Variants in CNIH3 observed in about 807,000 individuals in gnomAD.
The protein encoded by CNIH3 is cornichon family AMPA receptor auxiliary protein 3.
CNIH3 carries 14 observed loss-of-function variants against 24.1 expected under a neutral mutation model. That is an observed-to-expected ratio of 0.58 (90% CI 0.38 to 0.91). The LOEUF is 0.91. Ranked by LOEUF, CNIH3 falls within the 40% of genes least tolerant of loss-of-function variation. CNIH3 has a pLI of 0.00. For synonymous variants in CNIH3, 68 were observed against 73.8 expected (o/e 0.92, Z 0.40); for missense variants, 178 against 196.8 (o/e 0.90, Z 0.57).
intron 1 of CNIH3, among the ~76,000 whole-genome samples, chr1:224,652,151 G>A (rs1241984322): frequency 6.6e-6 from 1 of 152,050 alleles, no homozygotes; most frequent in Non-Finnish European, 1.5e-5. Flanking sequence ...GGATTTCTGG[G>A]TTTTGAGGGA....
chr1:224,644,107 C>T (rs1485204147), intron 1 of CNIH3, among the ~76,000 whole-genome samples: 3 of 152,234 alleles, frequency 2.0e-5, no homozygotes, highest in Non-Finnish European at 4.4e-5. Flanking sequence ...AGCCCTTGCT[C>T]CAGCACCTCA....
intron 1 of CNIH3, among the ~76,000 whole-genome samples, chr1:224,650,767 C>G (rs1454672020): frequency 6.6e-6 from 1 of 152,132 alleles, no homozygotes; most frequent in Non-Finnish European, 1.5e-5. Context: ...AGGAAAGATT[C>G]ATCAGAACCC....
At chr1:224,665,898 G>A (rs1572686717) in intron 1 of CNIH3, among the ~76,000 whole-genome samples, 1 of 151,736 alleles carries the variant, frequency 6.6e-6, no homozygotes, top group African/African-American at 2.4e-5. Context: ...GGATGCTTCA[G>A]GTGAGGTGCA....
chr1:224,538,860 G>A (rs1336280090), downstream of CNIH3, among the ~76,000 whole-genome samples: 3 of 139,170 alleles, frequency 2.2e-5, no homozygotes, highest in African/African-American at 8.3e-5. Flanking sequence ...TTGTAGAGAT[G>A]GTGTTTCATG....
At chr1:224,467,312 G>C (rs1676187559) in intron 1 of CNIH3, among the ~76,000 whole-genome samples, 1 of 152,200 alleles carries the variant, frequency 6.6e-6, no homozygotes, top group South Asian at 2.1e-4. Context: ...TGTGAATACA[G>C]GCGTGAGCCA....
upstream of CNIH3, among the ~76,000 whole-genome samples, chr1:224,612,669 C>T (rs1682754839): frequency 6.6e-6 from 1 of 152,114 alleles, no homozygotes; most frequent in South Asian, 2.1e-4. The surrounding 1 kb of genome is among the most constrained non-coding windows in gnomAD (Gnocchi z 4.7). Context: ...GAAAATCCTC[C>T]CTGGAGAAAG....
intron 3 of CNIH3, among the ~76,000 whole-genome samples, chr1:224,698,131 CACAG>C (rs1687274876): frequency 6.6e-6 from 1 of 152,194 alleles, no homozygotes; most frequent in Non-Finnish European, 1.5e-5. Flanking sequence ...GTCTGTGTGG[CACAG>C]ACAATTACAC....
intron 3 of CNIH3, among the ~76,000 whole-genome samples, chr1:224,598,131 T>A (rs555429222): frequency 3.4e-4 from 51 of 152,212 alleles, no homozygotes; most frequent in Non-Finnish European, 5.9e-4. Context: ...GTAATTCATG[T>A]GAGGAGGCCG....
rs549403649 is a variant in CNIH3, at chr1:224,583,799, A to T, written n.620+532A>T. ...ATCCATGAAATAGAAGGTGATTGTA[A>T]TGGCCTACTTTTAATGTAATGGAAC... On this transcript the variant is annotated intron_variant and non_coding_transcript_variant, in intron 5 of 5. Coordinates refer to the CNIH3 transcript ENST00000471578. Among the ~76,000 whole-genome samples, 10 of 152,322 alleles carry T rather than the reference A, an allele frequency of 6.6e-5. No homozygotes were observed. The South Asian group carries it at 2.1e-3, about 32-fold the overall frequency.
chr1:224,559,651 G>T (rs763170026), intron 3 of CNIH3, among the ~76,000 whole-genome samples: 11 of 152,076 alleles, frequency 7.2e-5, no homozygotes, highest in Non-Finnish European at 1.3e-4. Flanking sequence ...GGGATTATAG[G>T]CATGAGCCAC....
rs527309663 is a variant in CNIH3 at position 224,588,499 on chromosome 1, G to T, written n.759G>T. 2.0e-5 allele frequency: 3 copies of T among 152,138 alleles called. No individual in the cohort carries two copies. In the South Asian group the frequency reaches 6.2e-4, roughly 32 times the overall value. 9.4% of individuals were successfully genotyped at this position (152,138 alleles called of 1,614,324 possible). On this transcript the variant is annotated non_coding_transcript_exon_variant, in exon 6 of 6. Coordinates refer to the CNIH3 transcript ENST00000471578. ...CCATTTAAGATCTTTCCAAGCACAA[G>T]AGTCATGGCCCAATGGCAGAGTGTC...
chr1:224,699,595 T>C (rs1475521577), intron 3 of CNIH3, among the ~76,000 whole-genome samples: 1 of 152,204 alleles, frequency 6.6e-6, no homozygotes, highest in East Asian at 1.9e-4. Context: ...CCTAATTTCC[T>C]CTTCTTTAAG....
At chr1:224,663,983 G>A (rs1685480451) in intron 1 of CNIH3, among the ~76,000 whole-genome samples, 1 of 152,224 alleles carries the variant, frequency 6.6e-6, no homozygotes, top group Non-Finnish European at 1.5e-5. Context: ...TAGTCCTGTT[G>A]CTTGCTGCAC....
intron 3 of CNIH3, among the ~76,000 whole-genome samples, chr1:224,550,310 C>T (rs978115478): frequency 7.2e-5 from 11 of 152,012 alleles, no homozygotes; most frequent in East Asian, 3.9e-4. Context: ...ATGGAAATAT[C>T]GGAGCAATGT....
intron 1 of CNIH3, among the ~76,000 whole-genome samples, chr1:224,628,910 T>G (rs1683675804): frequency 2.0e-5 from 3 of 151,882 alleles, no homozygotes; most frequent in Admixed American, 2.0e-4. Flanking sequence ...CAGAAAAAAT[T>G]TAAATCTACC....
At chr1:224,570,555 A>G (rs1471974840) in intron 4 of CNIH3, among the ~76,000 whole-genome samples, 1 of 152,014 alleles carries the variant, frequency 6.6e-6, no homozygotes, top group Non-Finnish European at 1.5e-5. Context: ...TTTCTTATAG[A>G]CTTATATGAC....
At chr1:224,565,688 G>A (rs568613134) in intron 3 of CNIH3, 2 of 152,610 alleles carry the variant, frequency 1.3e-5, no homozygotes, top group South Asian at 4.1e-4. Context: ...ATTCACTGTT[G>A]CTTCCTGTGG....
chr1:224,711,794 C>CAAAAAAAAAAAA (rs11437581), intron 3 of CNIH3, among the ~76,000 whole-genome samples: 1 of 65,670 alleles, frequency 1.5e-5, no homozygotes. Context: ...GACCCTGTCT[C>CAAAAAAAAAAAA]AAAAAAAAAA....
intron 1 of CNIH3, among the ~76,000 whole-genome samples, chr1:224,623,178 G>T (rs888888336): frequency 2.0e-5 from 3 of 152,038 alleles, no homozygotes; most frequent in Non-Finnish European, 4.4e-5. Flanking sequence ...CTCTACTCCC[G>T]CACTCTGCTG....
Sources: allele counts gnomAD v4.1 joint callset (sites outside exome capture counted in the v4.1 genomes callset), GRCh38; gene constraint gnomAD v4.1.1; non-coding constraint Gnocchi (gnomAD v3.1); transcripts MANE v1.5; gene names NCBI Gene and HGNC (gene_info 2026-07-23, HGNC 2026-07-21).